Variants in GPBP1L1 observed in about 807,000 individuals in gnomAD.
The protein encoded by GPBP1L1 is GC-rich promoter binding protein 1 like 1, also known as vasculin-like protein 1.
A neutral mutation model predicts 52.5 loss-of-function variants in GPBP1L1; 23 were observed. The observed-to-expected ratio is 0.44, with a 90% CI of 0.32 to 0.62. GPBP1L1 has a LOEUF of 0.62. Among genes scored for constraint, GPBP1L1 ranks in the 20% least tolerant of loss-of-function variants. The pLI is 0.06. For missense variants in GPBP1L1, 596 were observed against 579.3 expected (o/e 1.03, Z -0.30); for synonymous variants, 243 against 203.1 (o/e 1.20, Z -1.67).
At chr1:45,653,844 A>G (rs1179184920) in intron 6 of GPBP1L1, among the ~76,000 whole-genome samples, 2 of 151,632 alleles carry the variant, frequency 1.3e-5, no homozygotes, top group East Asian at 3.9e-4. Flanking sequence ...AATTATAGGC[A>G]CTTGCCACCA....
intron 6 of GPBP1L1, among the ~76,000 whole-genome samples, chr1:45,653,299 C>T (rs904553376): frequency 1.3e-5 from 2 of 151,980 alleles, no homozygotes; most frequent in Non-Finnish European, 2.9e-5. Flanking sequence ...TTTGGGAGGC[C>T]GAGGTGGGAA....
chr1:45,665,868 T>C (rs1382186539), intron 2 of GPBP1L1, among the ~76,000 whole-genome samples: 2 of 152,100 alleles, frequency 1.3e-5, no homozygotes, highest in African/African-American at 4.8e-5. Context: ...ACTAATTTTT[T>C]AGGCACTACT....
chr1:45,658,957 CA>C, intron 4 of GPBP1L1, 70 bp downstream of exon 4: 1 of 1,088,096 alleles, frequency 9.2e-7, no homozygotes, highest in Non-Finnish European at 1.4e-6. Context: ...AAAATGAAAC[CA>C]AAAAACAACC....
At chr1:45,635,949 ACTT>A (rs1270130469) in intron 8 of GPBP1L1, among the ~76,000 whole-genome samples, 2 of 152,084 alleles carry the variant, frequency 1.3e-5, no homozygotes, top group Admixed American at 6.6e-5. Context: ...AAAAGGCCAG[ACTT>A]CTTATTTTCC....
chr1:45,669,221 A>G (rs1007205986), intron 2 of GPBP1L1, among the ~76,000 whole-genome samples: 2 of 152,210 alleles, frequency 1.3e-5, no homozygotes, highest in Non-Finnish European at 2.9e-5. Context: ...ACTAGAGTAC[A>G]TTGGCACAAT....
chr1:45,639,284 T>C (rs1030238568), intron 8 of GPBP1L1, among the ~76,000 whole-genome samples: 1 of 151,952 alleles, frequency 6.6e-6, no homozygotes, highest in East Asian at 1.9e-4. Context: ...GAACAGTAAA[T>C]GTGAGAAGAC....
Position 45,629,641 on chromosome 1 carries a change from T to A in GPBP1L1, c.1207A>T (p.Asn403Tyr). The change falls in exon 12 of 13, where the codon AAT becomes TAT. Residue 403 changes from asparagine (N) to tyrosine (Y), a missense_variant. Transcript: ENST00000355105. ...KAMGWQEYPENDENCLPLTED... is the reference protein window; with the variant it reads ...KAMGWQEYPEYDENCLPLTED... ...GTGAGGGGAAGGCAATTCTCATCAT[T>A]TTCAGGATATTCCTGCCAACCCATA... 6.2e-7 allele frequency: 1 copy of A among 1,613,452 alleles called. No individual in the cohort carries two copies.
At chr1:45,631,602 T>A (rs942549393) in intron 10 of GPBP1L1, among the ~76,000 whole-genome samples, 27 of 152,110 alleles carry the variant, frequency 1.8e-4, no homozygotes, top group East Asian at 1.9e-4. Context: ...ATAAAAAAAA[T>A]TTCTGCTTTG....
At chr1:45,679,490 G>A (rs921822242) in intron 2 of GPBP1L1, among the ~76,000 whole-genome samples, 7 of 152,196 alleles carry the variant, frequency 4.6e-5, no homozygotes, top group African/African-American at 1.7e-4. Flanking sequence ...CCCAGCTCTA[G>A]CTGCCAGGGG....
intron 2 of GPBP1L1, among the ~76,000 whole-genome samples, chr1:45,684,955 C>T (rs1389672680): frequency 6.6e-6 from 1 of 152,024 alleles, no homozygotes; most frequent in African/African-American, 2.4e-5. Flanking sequence ...TAGCATTTCA[C>T]TCTTTTATCT....
intron 6 of GPBP1L1, chr1:45,654,307 A>T (rs987483737): frequency 2.6e-6 from 1 of 385,354 alleles, no homozygotes; most frequent in Non-Finnish European, 4.7e-6. Context: ...GAGAAATTAA[A>T]TATTTTTCTA....
intron 2 of GPBP1L1, among the ~76,000 whole-genome samples, chr1:45,672,146 A>G (rs1444718434): frequency 6.6e-6 from 1 of 152,174 alleles, no homozygotes; most frequent in African/African-American, 2.4e-5. Context: ...GCAAATCACG[A>G]GGTCAGGAGC....
chr1:45,669,018 T>C (rs909862691), intron 2 of GPBP1L1, among the ~76,000 whole-genome samples: 2 of 152,210 alleles, frequency 1.3e-5, no homozygotes, highest in African/African-American at 4.8e-5. Flanking sequence ...CCATCTGTCA[T>C]TGATACACCA....
At chr1:45,665,388 C>T (rs903339147) in intron 2 of GPBP1L1, among the ~76,000 whole-genome samples, 1 of 152,096 alleles carries the variant, frequency 6.6e-6, no homozygotes, top group African/African-American at 2.4e-5. Context: ...GTAGAATTTT[C>T]ATAATTGTCA....
intron 8 of GPBP1L1, among the ~76,000 whole-genome samples, chr1:45,636,021 T>C (rs933561063): frequency 8.5e-5 from 13 of 152,202 alleles, no homozygotes; most frequent in African/African-American, 2.7e-4. Context: ...GTATACATTA[T>C]CTTTCACTCG....
At chr1:45,631,977 T>C (rs1644536670) in intron 10 of GPBP1L1, among the ~76,000 whole-genome samples, 1 of 152,108 alleles carries the variant, frequency 6.6e-6, no homozygotes, top group African/African-American at 2.4e-5. Context: ...TCCCAGCATT[T>C]TGGGAGGCTG....
At chr1:45,662,613 G>GT (rs1475727487) in intron 2 of GPBP1L1, among the ~76,000 whole-genome samples, 2 of 152,184 alleles carry the variant, frequency 1.3e-5, no homozygotes, top group Non-Finnish European at 2.9e-5. Flanking sequence ...ATTCAGGATA[G>GT]TAAGTATCTC....
chr1:45,653,792 G>A (rs916162554), intron 6 of GPBP1L1, among the ~76,000 whole-genome samples: 4 of 149,274 alleles, frequency 2.7e-5, no homozygotes, highest in Admixed American at 6.7e-5. Flanking sequence ...TCTGCCACCT[G>A]GGTTCACGTG....
intron 6 of GPBP1L1, chr1:45,651,306 GAC>G: frequency 2.6e-6 from 1 of 387,108 alleles, no homozygotes; most frequent in East Asian, 6.5e-5. Context: ...CCCATTTTAC[GAC>G]ACAGGGCAGG....
Sources: allele counts gnomAD v4.1 joint callset (sites outside exome capture counted in the v4.1 genomes callset), GRCh38; gene constraint gnomAD v4.1.1; transcripts MANE v1.5; gene names NCBI Gene and HGNC (gene_info 2026-07-23, HGNC 2026-07-21).